The following KLHDC4 variants were observed in gnomAD, a reference collection of about 807,000 sequenced individuals.
KLHDC4 encodes kelch domain-containing protein 4.
KLHDC4 carries 90 observed loss-of-function variants against 62.4 expected under a neutral mutation model. That is an observed-to-expected ratio of 1.44 (90% CI 1.22 to 1.72). KLHDC4 has a LOEUF of 1.72. Among genes scored for constraint, KLHDC4 ranks in the 40% most tolerant of loss-of-function variants. The pLI is 0.00. For synonymous variants in KLHDC4, 386 were observed against 284.4 expected (o/e 1.36, Z -3.59); for missense variants, 1,025 against 699.7 (o/e 1.47, Z -5.25).
chr16:87,717,164 G>C (rs375645488), intron 7 of KLHDC4, among the ~76,000 whole-genome samples: 49 of 152,108 alleles, frequency 3.2e-4, no homozygotes, highest in African/African-American at 1.1e-3. Flanking sequence ...CTGAAAGGCA[G>C]AGGCTGCAGT....
At chr16:87,758,767 G>A (rs2045411545) in intron 2 of KLHDC4, among the ~76,000 whole-genome samples, 1 of 152,250 alleles carries the variant, frequency 6.6e-6, no homozygotes, top group African/African-American at 2.4e-5. Context: ...AGTTAGACAA[G>A]GTTGGTCTAG....
At chr16:87,726,189 C>T (rs1303425802) in intron 7 of KLHDC4, among the ~76,000 whole-genome samples, 1 of 150,634 alleles carries the variant, frequency 6.6e-6, no homozygotes, top group Non-Finnish European at 1.5e-5. Context: ...GCAACTCACC[C>T]GTCTCCCCAC....
chr16:87,729,374 C>G (rs976639280), intron 6 of KLHDC4: 2 of 152,246 alleles, frequency 1.3e-5, no homozygotes, highest in Non-Finnish European at 1.5e-5. Context: ...CCTGAGGGAC[C>G]AGTAGAGAAA....
At chr16:87,707,728 C>A, downstream of KLHDC4, 1 of 288,316 alleles carries the variant, frequency 3.5e-6, no homozygotes, top group Non-Finnish European at 6.9e-6. Flanking sequence ...TGGTCTCGCC[C>A]TAGGCCCAGC....
intron 5 of KLHDC4, among the ~76,000 whole-genome samples, chr16:87,743,826 A>C (rs1228206826): frequency 6.6e-6 from 1 of 152,198 alleles, no homozygotes; most frequent in African/African-American, 2.4e-5. Flanking sequence ...CACTCTTACC[A>C]CCATAGCCCA....
chr16:87,719,729 G>C (rs1439450918), intron 7 of KLHDC4, among the ~76,000 whole-genome samples: 1 of 151,636 alleles, frequency 6.6e-6, no homozygotes, highest in Non-Finnish European at 1.5e-5. Context: ...GAATCTGCAT[G>C]AATTTTTGGA....
intron 5 of KLHDC4, among the ~76,000 whole-genome samples, chr16:87,733,461 A>C (rs1411120650): frequency 6.6e-6 from 1 of 152,216 alleles, no homozygotes; most frequent in Non-Finnish European, 1.5e-5. Context: ...ATCAGGCTGA[A>C]CAGGGTGCGT....
intron 5 of KLHDC4, among the ~76,000 whole-genome samples, chr16:87,746,821 G>C (rs752462743): frequency 2.3e-4 from 35 of 152,156 alleles, no homozygotes; most frequent in Non-Finnish European, 4.4e-4. Flanking sequence ...AAGTCTAATA[G>C]CTTCTACAAT....
At chr16:87,706,063 G>A (rs1421641366), downstream of KLHDC4, among the ~76,000 whole-genome samples, 1 of 150,284 alleles carries the variant, frequency 6.7e-6, no homozygotes, top group Non-Finnish European at 1.5e-5. Context: ...GGGGTCGGCG[G>A]AACGCAAACA....
chr16:87,704,096 G>A (rs182170910), downstream of KLHDC4, among the ~76,000 whole-genome samples: 35 of 152,296 alleles, frequency 2.3e-4, no homozygotes, highest in Admixed American at 1.6e-3. Context: ...ACCATCCCCC[G>A]CTCCTTCTGG....
At chr16:87,724,306 T>G (rs760912142) in intron 7 of KLHDC4, among the ~76,000 whole-genome samples, 4 of 152,220 alleles carry the variant, frequency 2.6e-5, no homozygotes, top group Non-Finnish European at 5.9e-5. Context: ...TCTTTGTTAC[T>G]GAAGCTAAAC....
At chr16:87,722,987 G>A (rs2038701587) in intron 7 of KLHDC4, among the ~76,000 whole-genome samples, 1 of 152,222 alleles carries the variant, frequency 6.6e-6, no homozygotes, top group South Asian at 2.1e-4. Context: ...CAGTGTGTGG[G>A]GTCTTCTCTG....
intron 1 of KLHDC4, among the ~76,000 whole-genome samples, chr16:87,764,783 A>C (rs1273020371): frequency 6.7e-6 from 1 of 148,436 alleles, no homozygotes; most frequent in Non-Finnish European, 1.5e-5. Flanking sequence ...CCTAGCCAGC[A>C]GGTCATGCCA....
chr16:87,705,008 C>T (rs1210647153), downstream of KLHDC4, among the ~76,000 whole-genome samples: 3 of 152,254 alleles, frequency 2.0e-5, no homozygotes, highest in Non-Finnish European at 4.4e-5. Context: ...GCCCTGCTGC[C>T]AAGCGGGCCG....
intron 5 of KLHDC4, among the ~76,000 whole-genome samples, chr16:87,745,781 G>A (rs7195501): frequency 0.26 from 40,185 of 152,014 alleles, 5,698 homozygotes; most frequent in South Asian, 0.46. Flanking sequence ...GCTGACTACA[G>A]GGTGGGAGAG....
intron 7 of KLHDC4, among the ~76,000 whole-genome samples, chr16:87,720,763 C>G (rs1396550898): frequency 6.6e-6 from 1 of 152,262 alleles, no homozygotes; most frequent in Non-Finnish European, 1.5e-5. Flanking sequence ...TTCTAGTCAG[C>G]TTCCTTTTGA....
chr16:87,764,823 ACT>A (rs910415478), intron 1 of KLHDC4, among the ~76,000 whole-genome samples: 1 of 124,870 alleles, frequency 8.0e-6, no homozygotes, highest in African/African-American at 3.6e-5. Context: ...ACAGAGCAAG[ACT>A]CTGTCAAAAA....
chr16:87,728,323 C>A (rs932054811), intron 6 of KLHDC4, among the ~76,000 whole-genome samples: 3 of 152,234 alleles, frequency 2.0e-5, no homozygotes, highest in African/African-American at 7.2e-5. Context: ...CTTTAAAAGA[C>A]TGCTACAGAC....
In KLHDC4 at chr16:87,743,191, G is replaced by C. The variant is rs146516634; in HGVS notation, c.506+5482C>G. On this transcript the variant is annotated intron_variant, in intron 5 of 11. Coordinates refer to ENST00000270583, the MANE Select transcript of KLHDC4 (RefSeq NM_017566.4). ...TGCAATCACAGCTCACTGCCACCTTGAACTCCTGAGCTCAAGTGATCCTCC... is the reference window on the plus strand; with the variant it reads ...TGCAATCACAGCTCACTGCCACCTTCAACTCCTGAGCTCAAGTGATCCTCC... The C allele has an allele frequency of 2.4e-3, 368 of 152,392 alleles. 3 individuals carry two copies. The highest frequency in any genetic ancestry group is 4.0e-3 in the Non-Finnish European group (270 of 68,082). 9.4% of individuals were successfully genotyped at this position (152,392 alleles called of 1,614,324 possible). A position where few individuals can be genotyped will look rare whatever the true frequency, so the allele number is the denominator to read the frequency against.
Sources: gnomAD v4.1 joint callset for allele counts (sites outside exome capture counted in the v4.1 genomes callset) on GRCh38, gnomAD v4.1.1 for gene constraint, MANE v1.5 for transcripts, NCBI Gene and HGNC (gene_info 2026-07-23, HGNC 2026-07-21) for gene names.